The following CCND2 variants were observed in gnomAD, a reference collection of about 807,000 sequenced individuals.
CCND2 encodes G1/S-specific cyclin-D2.
Under a neutral mutation model 30.2 loss-of-function variants are expected in CCND2, and 6 were observed. The ratio of observed to expected loss-of-function variants is 0.20; its 90% CI spans 0.11 to 0.39. The LOEUF is 0.39. Ranked by LOEUF, CCND2 falls within the 10% of genes least tolerant of loss-of-function variation. The pLI is 1.00. For synonymous variants in CCND2, 150 were observed against 153.1 expected (o/e 0.98, Z 0.15); for missense variants, 235 against 373.4 (o/e 0.63, Z 3.06).
At chr12:4,277,965 T>G (rs953850923) in intron 2 of CCND2, among the ~76,000 whole-genome samples, 5 of 141,152 alleles carry the variant, frequency 3.5e-5, no homozygotes, top group Non-Finnish European at 7.7e-5. Context: ...CTTTTTCAGG[T>G]GGGTTGCTGG....
intron 4 of CCND2, among the ~76,000 whole-genome samples, chr12:4,290,197 G>A (rs573087460): frequency 1.4e-4 from 22 of 152,312 alleles, no homozygotes; most frequent in African/African-American, 4.8e-4. Flanking sequence ...CTCCTCGCCC[G>A]CCCACCTGGA....
chr12:4,302,303 G>A lies in CCND2; in HGVS notation c.*2294G>A, dbSNP rs1333267416. ...GCAGACGTTCAGTACAAACATTTAT[G>A]CGGTAGGCTCAGATGTCGTAATTTG... On this transcript the variant is annotated 3_prime_UTR_variant, in exon 5 of 5. Coordinates refer to ENST00000261254, the MANE Select transcript of CCND2 (RefSeq NM_001759.4). 3.4e-5 allele frequency: 8 copies of A among 232,984 alleles called. No homozygotes were observed. The highest frequency in any genetic ancestry group is 5.1e-5 in the Non-Finnish European group (6 of 117,914). 14.4% of individuals were successfully genotyped at this position (232,984 alleles called of 1,614,324 possible).
Position 4,274,290 on chromosome 12 carries a change from C to A in CCND2, c.195+55C>A. ...CCAGGACCCCTCCGGATGCTCGGGT[C>A]CCCGGCCGGAGCCCTAAACCTGGGA... On this transcript the variant is annotated intron_variant, in intron 1 of 4. Coordinates refer to ENST00000261254, the MANE Select transcript of CCND2 (RefSeq NM_001759.4). This position sits in a 1 kb window ranked among gnomAD's most constrained non-coding sequence, Gnocchi z 7.7. The A allele has an allele frequency of 6.3e-7, 1 of 1,577,798 alleles. No homozygotes were observed. The highest frequency in any genetic ancestry group is 1.1e-5 in the South Asian group (1 of 88,574).
chr12:4,295,567 A>C (rs999885448), intron 4 of CCND2, among the ~76,000 whole-genome samples: 1 of 152,206 alleles, frequency 6.6e-6, no homozygotes, highest in African/African-American at 2.4e-5. Context: ...ATCTGAGGTC[A>C]GGAGTTCGAG....
rs1454204107 is a variant in CCND2 at position 4,293,504 on chromosome 12, G to A, written c.720+4514G>A. 6.6e-6 allele frequency among the ~76,000 whole-genome samples: 1 copy of A among 152,204 alleles called. No homozygotes were observed. Among genetic ancestry groups the A allele is most frequent in the Non-Finnish European group, 1.5e-5 (1 of 68,044 alleles). On this transcript the variant is annotated intron_variant, in intron 4 of 4. Coordinates refer to ENST00000261254, the MANE Select transcript of CCND2 (RefSeq NM_001759.4). The surrounding 1 kb of genome is among the most constrained non-coding windows in gnomAD (Gnocchi z 4.9). ...TGAGGTTTGGGCTTCAGTCGAACCC[G>A]TCACCCAGACAGTGTACACAGTACC... is the stretch of plus-strand genomic sequence containing the variant.
rs1863958707 is a variant in CCND2, at chr12:4,282,254, C to T, written c.571+3335C>T. On this transcript the variant is annotated intron_variant, in intron 3 of 4. Transcript: ENST00000261254. This position sits in a 1 kb window ranked among gnomAD's most constrained non-coding sequence, Gnocchi z 4.3. Reference sequence around the variant, plus strand: ...AGGGGGAGGTGCTCACCCTCCCTCTCCAGGCACCCACATCCCCTCTTTCTT... The same window carrying T: ...AGGGGGAGGTGCTCACCCTCCCTCTTCAGGCACCCACATCCCCTCTTTCTT... 6.6e-6 allele frequency among the ~76,000 whole-genome samples: 1 copy of T among 152,110 alleles called. No homozygotes were observed. The highest frequency in any genetic ancestry group is 2.4e-5 in the African/African-American group (1 of 41,412).
At position 4,287,337 on chromosome 12, in the gene CCND2, A is replaced by G. The variant is rs1455657467; in HGVS notation, c.572-1505A>G. 6.6e-6 allele frequency among the ~76,000 whole-genome samples: 1 copy of G among 152,162 alleles called. No homozygotes were observed. Among genetic ancestry groups the G allele is most frequent in the African/African-American group, 2.4e-5 (1 of 41,436 alleles). On this transcript the variant is annotated intron_variant, in intron 3 of 4. Transcript: ENST00000261254. This position sits in a 1 kb window ranked among gnomAD's most constrained non-coding sequence, Gnocchi z 4.0. ...CTGACCATTAAAAGAGCTGCTGTAG[A>G]AAGTGTGTTTGTAATAGAGTGTGTA...
rs970237431 is a variant in CCND2 at position 4,301,256 on chromosome 12, A to C, written c.*1247A>C. 2 of 233,512 alleles carry C rather than the reference A, an allele frequency of 8.6e-6. No individual in the cohort carries two copies. The highest frequency in any genetic ancestry group is 1.7e-5 in the Non-Finnish European group (2 of 118,030). The allele number at this position is 233,512 out of a possible 1,614,324, so 14.5% of individuals were successfully genotyped here. On this transcript the variant is annotated 3_prime_UTR_variant, in exon 5 of 5. Transcript: ENST00000261254. ...ATGGCACAGAAGGATCTTAATTCCC[A>C]TCTCTATACTTCTCCTTTGGACATG...
chr12:4,275,750 C>G (rs1464817755), intron 1 of CCND2, among the ~76,000 whole-genome samples: 1 of 152,068 alleles, frequency 6.6e-6, no homozygotes, highest in Non-Finnish European at 1.5e-5. Context: ...CTCCGACTCC[C>G]CGTTTTGGAG....
chr12:4,283,087 G>A (rs1295749749), intron 3 of CCND2, among the ~76,000 whole-genome samples: 2 of 152,222 alleles, frequency 1.3e-5, no homozygotes, highest in Non-Finnish European at 2.9e-5. Flanking sequence ...AATGTACTGG[G>A]CAGGACCATG....
chr12:4,300,025 CGAAA>C lies in CCND2; in HGVS notation c.*19_*22del, dbSNP rs1555089208. 1 of 1,609,866 alleles carries C rather than the reference CGAAA, an allele frequency of 6.2e-7. No homozygotes were observed. Among genetic ancestry groups the C allele is most frequent in the Non-Finnish European group, 8.5e-7 (1 of 1,177,662 alleles). The stretch of plus-strand genomic sequence containing the variant: ...CGACCTGTGAGGATGCCAGTTGGGC[CGAAA>C]GAGAGAGACGCGTCCATAATCTGGT... On this transcript the variant is annotated 3_prime_UTR_variant, in exon 5 of 5. Coordinates refer to ENST00000261254, the MANE Select transcript of CCND2 (RefSeq NM_001759.4).
rs578145484 is a variant in CCND2, at chr12:4,296,384, G to A, written c.721-3476G>A. ...GAGCAAGGTCTTCCACAGGAACTGC[G>A]ACTTGGAAAGTATTCACCAAGGGCT... is the stretch of plus-strand genomic sequence containing the variant. On this transcript the variant is annotated intron_variant, in intron 4 of 4. Coordinates refer to ENST00000261254, the MANE Select transcript of CCND2 (RefSeq NM_001759.4). Among the ~76,000 whole-genome samples, 4 of 152,348 alleles carry A rather than the reference G, an allele frequency of 2.6e-5. No individual in the cohort carries two copies. The South Asian group carries it at 8.3e-4, about 32-fold the overall frequency.
intron 4 of CCND2, among the ~76,000 whole-genome samples, chr12:4,292,128 G>C (rs1184776045): frequency 6.6e-6 from 1 of 152,036 alleles, no homozygotes; most frequent in African/African-American, 2.4e-5. Context: ...ATTTATGATA[G>C]TAAAATGTGT....
In CCND2 at chr12:4,299,725, C is replaced by T. The variant is rs1185134511; in HGVS notation, c.721-135C>T. ...GGTTCCTTGGCACTTTAAGAACATC[C>T]CTCCTTTACTTCACATTTATTTCTA... On this transcript the variant is annotated intron_variant, in intron 4 of 4. Coordinates refer to ENST00000261254, the MANE Select transcript of CCND2 (RefSeq NM_001759.4). The surrounding 1 kb of genome is among the most constrained non-coding windows in gnomAD (Gnocchi z 5.2). 5.8e-6 allele frequency: 5 copies of T among 864,568 alleles called. No individual in the cohort carries two copies. Among genetic ancestry groups the T allele is most frequent in the Non-Finnish European group, 8.7e-6 (5 of 572,318 alleles). 53.6% of individuals were successfully genotyped at this position (864,568 alleles called of 1,614,324 possible). A position where few individuals can be genotyped will look rare whatever the true frequency, so the allele number is the denominator to read the frequency against.
rs919504453 is a variant in CCND2, at chr12:4,285,311, C to T, written c.572-3531C>T. 54 of 985,344 alleles carry T rather than the reference C, an allele frequency of 5.5e-5. No individual in the cohort carries two copies. Among genetic ancestry groups the T allele is most frequent in the Non-Finnish European group, 6.3e-5 (52 of 829,952 alleles). 61.0% of individuals were successfully genotyped at this position (985,344 alleles called of 1,614,324 possible). ...TCAGGAAGTCACCAGCATCTCACCT[C>T]TCCAGGTGGGCAATTAACGATGGCG... On this transcript the variant is annotated intron_variant, in intron 3 of 4. Coordinates refer to ENST00000261254, the MANE Select transcript of CCND2 (RefSeq NM_001759.4). This position sits in a 1 kb window ranked among gnomAD's most constrained non-coding sequence, Gnocchi z 4.1.
chr12:4,277,007 C>T (rs1863883586), intron 2 of CCND2, among the ~76,000 whole-genome samples: 1 of 152,222 alleles, frequency 6.6e-6, no homozygotes, highest in Non-Finnish European at 1.5e-5. Flanking sequence ...CCCCTCCTTC[C>T]CGCCCCTCCC....
rs535561881 is a variant in CCND2, at chr12:4,294,809, GTCT to G, written c.721-5046_721-5044del. Among the ~76,000 whole-genome samples, 399 of 152,306 alleles carry G rather than the reference GTCT, an allele frequency of 2.6e-3. 2 individuals are homozygous for G. Among genetic ancestry groups the G allele is most frequent in the Admixed American group, 3.6e-3 (55 of 15,296 alleles). ...TCCAAGTCTGTGATTATTTGTGTATGTCTTCTTATAATCCAGCCCCTTTGGAAG... is the reference window on the plus strand; with the variant it reads ...TCCAAGTCTGTGATTATTTGTGTATGTCTTATAATCCAGCCCCTTTGGAAG... On this transcript the variant is annotated intron_variant, in intron 4 of 4. Transcript: ENST00000261254.
intron 3 of CCND2, 100 bp from the exon 4 acceptor site, chr12:4,288,742 C>G (rs1234056799): frequency 2.4e-6 from 3 of 1,224,808 alleles, no homozygotes; most frequent in Non-Finnish European, 3.4e-6. Context: ...ACTCGCGCCG[C>G]TGACCTGCTG....
In CCND2 at chr12:4,304,909, C is replaced by A. The variant is rs1267920527; in HGVS notation, c.*4900C>A. On this transcript the variant is annotated 3_prime_UTR_variant, in exon 5 of 5. Coordinates refer to ENST00000261254, the MANE Select transcript of CCND2 (RefSeq NM_001759.4). This position sits in a 1 kb window ranked among gnomAD's most constrained non-coding sequence, Gnocchi z 6.2. ...TGGATTTTTTCCATTATGTTCATCA[C>A]CCTTATATCATGTACCTCAGATCTC... The A allele has an allele frequency of 4.3e-6, 1 of 233,562 alleles. No homozygotes were observed. The highest frequency in any genetic ancestry group is 8.5e-6 in the Non-Finnish European group (1 of 118,048). The allele number at this position is 233,562 out of a possible 1,614,324, so 14.5% of individuals were successfully genotyped here. A position where few individuals can be genotyped will look rare whatever the true frequency, so the allele number is the denominator to read the frequency against.
Sources: allele counts gnomAD v4.1 joint callset (sites outside exome capture counted in the v4.1 genomes callset), GRCh38; gene constraint gnomAD v4.1.1; non-coding constraint Gnocchi (gnomAD v3.1); transcripts MANE v1.5; gene names NCBI Gene and HGNC (gene_info 2026-07-23, HGNC 2026-07-21).